ATP9B: variants seen among roughly 807,000 people sequenced by gnomAD.
The protein encoded by ATP9B is probable phospholipid-transporting ATPase IIB.
Under a neutral mutation model 146.1 loss-of-function variants are expected in ATP9B, and 110 were observed. The observed-to-expected ratio is 0.75, with a 90% confidence interval of 0.65 to 0.88. The LOEUF (loss-of-function observed/expected upper bound fraction) is 0.88. Among genes scored for constraint, ATP9B ranks in the 40% least tolerant of loss-of-function variants. The pLI, the probability that ATP9B is intolerant of heterozygous loss-of-function variation, is 0.00. For synonymous variants in ATP9B, 604 were observed against 569.7 expected (o/e 1.06, Z -0.86); for missense variants, 1,499 against 1,496.4 (o/e 1.00, Z -0.03).
chr18:79,206,940 G>T lies in ATP9B; in HGVS notation c.958G>T (p.Asp320Tyr), dbSNP rs765738057. The T allele has an allele frequency of 6.2e-7, 1 of 1,613,980 alleles. No individual in the cohort carries two copies. The highest frequency in any genetic ancestry group is 1.1e-5 in the South Asian group (1 of 91,078). The change falls in exon 10 of 30, where the codon GAC (aspartate) becomes TAC (tyrosine). Residue 320 changes from aspartate to tyrosine, a missense_variant. Asp to Tyr is a radical substitution (Grantham distance 160, BLOSUM62 -3). Coordinates refer to ENST00000426216, the MANE Select transcript of ATP9B (RefSeq NM_198531.5). ...HSFEGTFTRE[D>Y]SDPPIHESLS... ...TTCTTTTTGTCTCCCTGCACAGGAA[G>T]ACAGTGACCCGCCCATTCATGAAAG...
At chr18:79,138,268 A>G (rs572792457) in intron 5 of ATP9B, among the ~76,000 whole-genome samples, 9 of 152,196 alleles carry the variant, frequency 5.9e-5, no homozygotes, top group Non-Finnish European at 8.8e-5. Context: ...AGGAACGTTT[A>G]TATGAAATAT....
intron 4 of ATP9B, 98 bp from the exon 5 acceptor site, chr18:79,126,169 A>C: frequency 1.1e-6 from 1 of 904,896 alleles, no homozygotes; most frequent in Non-Finnish European, 1.7e-6. Flanking sequence ...TTTAGAGAGT[A>C]ATATAAATTG....
intron 8 of ATP9B, 64 bp from the exon 9 acceptor site, chr18:79,193,119 G>A (rs1017558958): frequency 5.7e-6 from 7 of 1,237,782 alleles, no homozygotes; most frequent in Non-Finnish European, 8.1e-6. Flanking sequence ...CAGCAAATGA[G>A]AAATTTCCAA....
intron 25 of ATP9B, chr18:79,353,510 C>G (rs535609206): frequency 6.6e-6 from 1 of 152,444 alleles, no homozygotes; most frequent in East Asian, 1.9e-4. Context: ...AGAGGACACG[C>G]TCGGCAAGGT....
chr18:79,249,449 T>C (rs142030546), intron 11 of ATP9B, among the ~76,000 whole-genome samples: 22 of 152,352 alleles, frequency 1.4e-4, no homozygotes, highest in African/African-American at 4.8e-4. Flanking sequence ...ATATAGGAGA[T>C]GACAATGAAT....
At chr18:79,078,819 A>G (rs1418644962) in intron 1 of ATP9B, among the ~76,000 whole-genome samples, 1 of 151,868 alleles carries the variant, frequency 6.6e-6, no homozygotes, top group Admixed American at 6.5e-5. Context: ...CTAGCCCCCC[A>G]CACCCCGACA....
At chr18:79,128,569 GA>G (rs2094326815) in intron 5 of ATP9B, among the ~76,000 whole-genome samples, 1 of 152,058 alleles carries the variant, frequency 6.6e-6, no homozygotes, top group South Asian at 2.1e-4. Flanking sequence ...TAGTATTGGA[GA>G]AAAAAACCCC....
chr18:79,090,351 TG>T (rs2074216734), intron 1 of ATP9B, among the ~76,000 whole-genome samples: 2 of 152,362 alleles, frequency 1.3e-5, no homozygotes, highest in South Asian at 2.1e-4. Flanking sequence ...ACTTTCAAAC[TG>T]TTCTCCACAG....
chr18:79,127,920 T>C (rs2094314063), intron 5 of ATP9B, among the ~76,000 whole-genome samples: 1 of 152,174 alleles, frequency 6.6e-6, no homozygotes, highest in African/African-American at 2.4e-5. Flanking sequence ...TTATAGTGGG[T>C]GTGAAGTAGT....
chr18:79,377,502 A>C lies in ATP9B; in HGVS notation c.*119A>C, dbSNP rs941983392. On this transcript the variant is annotated 3_prime_UTR_variant, in exon 30 of 30. Transcript: ENST00000426216. ...ACCAAGCAAGCACCACAAGAAAGGG[A>C]GGGTACGCCAGGCGAGCCCAGGGCA... The C allele has an allele frequency of 8.3e-6, 11 of 1,322,542 alleles. No homozygotes were observed. The highest frequency in any genetic ancestry group is 1.1e-5 in the Non-Finnish European group (11 of 973,446). The allele number at this position is 1,322,542 out of a possible 1,614,324, so 81.9% of individuals were successfully genotyped here.
intron 2 of ATP9B, 45 bp from the exon 3 acceptor site, chr18:79,110,310 A>T: frequency 6.7e-7 from 1 of 1,495,792 alleles, no homozygotes; most frequent in Non-Finnish European, 8.9e-7. Context: ...AACTTTTTTA[A>T]AAAGCAAAAA....
Position 79,096,690 on chromosome 18 carries a change from G to T in ATP9B, c.293+41G>T, listed in dbSNP as rs369003152. On this transcript the variant is annotated intron_variant, in intron 2 of 29. Coordinates refer to ENST00000426216, the MANE Select transcript of ATP9B (RefSeq NM_198531.5). ...CTACCTAATTTCCTTATATGCTAAG[G>T]TTACTTATAAGGTTAGCTTCTAATA... 4 of 1,514,170 alleles carry T rather than the reference G, an allele frequency of 2.6e-6. No individual in the cohort carries two copies. In the Admixed American group the frequency reaches 5.7e-5, roughly 22 times the overall value. 93.8% of individuals were successfully genotyped at this position (1,514,170 alleles called of 1,614,324 possible).
intron 15 of ATP9B, among the ~76,000 whole-genome samples, chr18:79,328,089 T>G (rs368615823): frequency 2.3e-5 from 2 of 88,832 alleles, no homozygotes; most frequent in Non-Finnish European, 4.4e-5. Context: ...GCGTGCTCTC[T>G]GTGGTTAGCG....
chr18:79,115,615 C>T (rs978078726), intron 4 of ATP9B: 1 of 114,170 alleles, frequency 8.8e-6, no homozygotes, highest in Non-Finnish European at 1.7e-5. Flanking sequence ...GAAATAATGC[C>T]GCATATCTAC....
chr18:79,347,999 C>T (rs1325014282), intron 24 of ATP9B, 74 bp downstream of exon 24: 12 of 1,603,746 alleles, frequency 7.5e-6, no homozygotes, highest in Non-Finnish European at 8.5e-6. Flanking sequence ...GGGCAGGGTC[C>T]GGGAGTGGGG....
chr18:79,347,973 G>A (rs764451421), intron 24 of ATP9B, 48 bp downstream of exon 24: 3 of 1,605,904 alleles, frequency 1.9e-6, no homozygotes, highest in Admixed American at 1.7e-5. Context: ...GGTCCAGGAA[G>A]GGCAGGGTCC....
intron 15 of ATP9B, among the ~76,000 whole-genome samples, chr18:79,328,343 T>C (rs1483028223): frequency 6.6e-6 from 1 of 152,266 alleles, no homozygotes; most frequent in African/African-American, 2.4e-5. Flanking sequence ...CATAAAATAC[T>C]ATTCACAAAT....
intron 15 of ATP9B, among the ~76,000 whole-genome samples, chr18:79,324,846 G>T (rs967151375): frequency 6.6e-6 from 1 of 152,172 alleles, no homozygotes; most frequent in Non-Finnish European, 1.5e-5. Context: ...TAACTATATG[G>T]TCTTATTTGT....
chr18:79,071,049 CT>C lies in ATP9B; in HGVS notation c.119+1537del, dbSNP rs746689031. The stretch of plus-strand genomic sequence containing the variant: ...CTGATTCTCATTCTGATTCCTGTTT[CT>C]TTTTTTTTTTTTTTTTGCCACTTTT... On this transcript the variant is annotated intron_variant, in intron 1 of 29. Transcript: ENST00000426216. 9.1e-3 allele frequency among the ~76,000 whole-genome samples: 1,018 copies of C among 112,350 alleles called. 4 individuals carry two copies. The highest frequency in any genetic ancestry group is 0.025 in the African/African-American group (723 of 28,506). The allele number at this position is 112,350 out of a possible 152,430, so 73.7% of individuals were successfully genotyped here. A position where few individuals can be genotyped will look rare whatever the true frequency, so the allele number is the denominator to read the frequency against.
Sources: gnomAD v4.1 joint callset for allele counts (sites outside exome capture counted in the v4.1 genomes callset) on GRCh38, gnomAD v4.1.1 for gene constraint, MANE v1.5 for transcripts, NCBI Gene and HGNC (gene_info 2026-07-23, HGNC 2026-07-21) for gene names.